Variants in SYN3 observed in about 807,000 individuals in gnomAD.
SYN3 encodes the protein synapsin III.
Under a neutral mutation model 65.8 loss-of-function variants are expected in SYN3, and 35 were observed. That is an observed-to-expected ratio of 0.53 (90% CI 0.41 to 0.70). SYN3 has a LOEUF of 0.70. SYN3 is among the 30% of genes least tolerant of loss of function. The pLI is 0.00. For synonymous variants in SYN3, 270 were observed against 292.9 expected (o/e 0.92, Z 0.80); for missense variants, 680 against 749.0 (o/e 0.91, Z 1.08).
intron 6 of SYN3, among the ~76,000 whole-genome samples, chr22:32,680,717 CA>C (rs1240751029): frequency 5.3e-5 from 8 of 152,348 alleles, no homozygotes; most frequent in Non-Finnish European, 1.0e-4. Context: ...TGCCAAGCTA[CA>C]AGTCCAACTC....
rs112268181 is a variant in SYN3, at chr22:32,610,229, C to T, written c.712-13493G>A. Among the ~76,000 whole-genome samples, 609 of 152,068 alleles carry T rather than the reference C, an allele frequency of 4.0e-3. 1 individual carries two copies. The highest frequency in any genetic ancestry group is 6.5e-3 in the Non-Finnish European group (445 of 67,968). On this transcript the variant is annotated intron_variant, in intron 6 of 13. Coordinates refer to ENST00000358763, the MANE Select transcript of SYN3 (RefSeq NM_003490.4). ...CCGGGAGGCAGAGGTTGCAGTGAGCCAAGATTGCACCGCTGCACTCCAGCC... is the reference window on the plus strand; with the variant it reads ...CCGGGAGGCAGAGGTTGCAGTGAGCTAAGATTGCACCGCTGCACTCCAGCC...
intron 1 of SYN3, among the ~76,000 whole-genome samples, chr22:33,045,066 C>T (rs1347097317): frequency 1.3e-5 from 2 of 152,208 alleles, no homozygotes; most frequent in African/African-American, 4.8e-5. Context: ...TGTTCTCGAA[C>T]TCCCAACCTC....
intron 13 of SYN3, among the ~76,000 whole-genome samples, chr22:32,515,988 T>C (rs767953275): frequency 5.3e-5 from 8 of 152,042 alleles, no homozygotes; most frequent in Non-Finnish European, 7.4e-5. Flanking sequence ...TTAGGAGAGA[T>C]GGGGTTTCAC....
chr22:32,555,595 T>A (rs2058482922), intron 7 of SYN3, among the ~76,000 whole-genome samples: 1 of 152,102 alleles, frequency 6.6e-6, no homozygotes, highest in Non-Finnish European at 1.5e-5. Context: ...TATTTACAAA[T>A]CAGTGAAAAG....
At chr22:32,906,852 G>A (rs1383388558) in intron 4 of SYN3, among the ~76,000 whole-genome samples, 1 of 152,104 alleles carries the variant, frequency 6.6e-6, no homozygotes, top group African/African-American at 2.4e-5. Context: ...CTCTTTTATG[G>A]CTGCATAGTA....
intron 7 of SYN3, among the ~76,000 whole-genome samples, chr22:32,570,689 G>T (rs2058747829): frequency 6.6e-6 from 1 of 152,068 alleles, no homozygotes; most frequent in South Asian, 2.1e-4. Flanking sequence ...GACGTGAGTT[G>T]GCATCTGGTC....
At chr22:32,530,780 G>A (rs9621480) in intron 10 of SYN3, among the ~76,000 whole-genome samples, 3,042 of 151,918 alleles carry the variant, frequency 0.02, 82 homozygotes, top group African/African-American at 0.069. Flanking sequence ...CGGGGCGGGC[G>A]GATCACGAGG....
chr22:32,950,726 T>C (rs2051265427), intron 3 of SYN3, among the ~76,000 whole-genome samples: 1 of 152,160 alleles, frequency 6.6e-6, no homozygotes, highest in South Asian at 2.1e-4. Flanking sequence ...ACTGCTTAGT[T>C]CTAAAGCCTA....
chr22:32,644,099 A>AGAG lies in SYN3; in HGVS notation c.712-47364_712-47363insCTC, dbSNP rs1156865695. ...AAAAAAAAAAAAAAAAAAAAAAAAAAAAAGCGACAAGACTGACTGATGATG... is the reference window on the plus strand; with the variant it reads ...AAAAAAAAAAAAAAAAAAAAAAAAAAGAGAAAGCGACAAGACTGACTGATGATG... On this transcript the variant is annotated intron_variant, in intron 6 of 13. Coordinates refer to ENST00000358763, the MANE Select transcript of SYN3 (RefSeq NM_003490.4). Among the ~76,000 whole-genome samples the AGAG allele has an allele frequency of 4.7e-4, 10 of 21,274 alleles. 1 individual carries two copies. The highest frequency in any genetic ancestry group is 8.6e-4 in the Non-Finnish European group (9 of 10,492). The allele number at this position is 21,274 out of a possible 152,430, so 14.0% of individuals were successfully genotyped here.
rs2057695012 is a variant in SYN3 at position 32,511,882 on chromosome 22, C to T, written c.*1810G>A. Among the ~76,000 whole-genome samples, 2 of 152,186 alleles carry T rather than the reference C, an allele frequency of 1.3e-5. No individual in the cohort carries two copies. Among genetic ancestry groups the T allele is most frequent in the Non-Finnish European group, 2.9e-5 (2 of 68,038 alleles). ...TTCTGAATTATCCTGGGGTCTCTTG[C>T]TCTTAAATCCAGACCTGATCATGAG... On this transcript the variant is annotated 3_prime_UTR_variant, in exon 14 of 14. Transcript: ENST00000358763.
At chr22:32,904,047 T>A (rs1452803264) in intron 4 of SYN3, among the ~76,000 whole-genome samples, 1 of 152,250 alleles carries the variant, frequency 6.6e-6, no homozygotes, top group Non-Finnish European at 1.5e-5. Context: ...TTTCTCTTAA[T>A]CCTTGGCACA....
At chr22:32,642,841 G>A (rs1034583909) in intron 6 of SYN3, among the ~76,000 whole-genome samples, 1 of 152,118 alleles carries the variant, frequency 6.6e-6, no homozygotes, top group Non-Finnish European at 1.5e-5. Flanking sequence ...ACAGGCTTGA[G>A]CCACTGTGCT....
chr22:32,824,147 G>A (rs117418375), intron 6 of SYN3, among the ~76,000 whole-genome samples: 1,857 of 151,824 alleles, frequency 0.012, 18 homozygotes, highest in Non-Finnish European at 0.019. Context: ...GTGTGGTGGC[G>A]CACATCTGAA....
chr22:32,934,274 A>G (rs985793533), intron 3 of SYN3, among the ~76,000 whole-genome samples: 1 of 152,198 alleles, frequency 6.6e-6, no homozygotes, highest in African/African-American at 2.4e-5. Flanking sequence ...CTTGGAAGAT[A>G]GAATCTCTGA....
At chr22:32,546,038 T>C (rs963276753) in intron 7 of SYN3, among the ~76,000 whole-genome samples, 1 of 152,186 alleles carries the variant, frequency 6.6e-6, no homozygotes, top group African/African-American at 2.4e-5. Flanking sequence ...CAAGCATTCC[T>C]CCCACCTCTG....
intron 3 of SYN3, among the ~76,000 whole-genome samples, chr22:32,975,047 A>G (rs2052142152): frequency 6.6e-6 from 1 of 152,240 alleles, no homozygotes; most frequent in Middle Eastern, 3.4e-3. Context: ...CTCAAATGTT[A>G]GGTCTTTTTC....
chr22:32,757,502 G>T (rs1191176183), intron 6 of SYN3, among the ~76,000 whole-genome samples: 1 of 151,950 alleles, frequency 6.6e-6, no homozygotes, highest in African/African-American at 2.4e-5. Flanking sequence ...TTTCCATGTT[G>T]GTCAGGCTGG....
At chr22:32,880,227 AC>A (rs946273906) in intron 4 of SYN3, among the ~76,000 whole-genome samples, 4 of 152,106 alleles carry the variant, frequency 2.6e-5, no homozygotes, top group African/African-American at 9.7e-5. Flanking sequence ...TAGCATCCTC[AC>A]CCCAAACCCC....
intron 7 of SYN3, among the ~76,000 whole-genome samples, chr22:32,588,663 A>C (rs1420911948): frequency 6.6e-6 from 1 of 152,230 alleles, no homozygotes; most frequent in African/African-American, 2.4e-5. Context: ...TGAAGCACAG[A>C]GAAAAGTTAA....
Sources: allele counts gnomAD v4.1 joint callset (sites outside exome capture counted in the v4.1 genomes callset), GRCh38; gene constraint gnomAD v4.1.1; transcripts MANE v1.5; gene names NCBI Gene and HGNC (gene_info 2026-07-23, HGNC 2026-07-21).